Variants in CDH23 observed in about 807,000 individuals in gnomAD.
CDH23 encodes the protein cadherin-23.
CDH23 carries 189 observed loss-of-function variants against 317.1 expected under a neutral mutation model. The observed-to-expected ratio is 0.60, with a 90% CI of 0.53 to 0.67. The LOEUF is 0.67. Ranked by LOEUF, CDH23 falls within the 30% of genes least tolerant of loss-of-function variation. The pLI, the probability that CDH23 is intolerant of heterozygous loss-of-function variation, is 0.00. For synonymous variants in CDH23, 1,839 were observed against 1,876.8 expected (o/e 0.98, Z 0.52); for missense variants, 4,401 against 4,592.4 (o/e 0.96, Z 1.20).
In CDH23 at chr10:71,702,016, G is replaced by A. The variant is rs1159899226; in HGVS notation, c.2398-6G>A. 8 of 1,613,232 alleles carry A rather than the reference G, an allele frequency of 5.0e-6. No homozygotes were observed. The highest frequency in any genetic ancestry group is 2.2e-5 in the East Asian group (1 of 44,884). ...TCAGTGAAGGGGTCTGCTCCCTCCC[G>A]GGCAGGTGGTGGCTGTTGACCCAGA... On this transcript the variant is annotated splice_region_variant and splice_polypyrimidine_tract_variant and intron_variant, in intron 22 of 69. Coordinates refer to ENST00000224721, the MANE Select transcript of CDH23 (RefSeq NM_022124.6).
At chr10:71,765,715 C>T (rs777011838) in intron 38 of CDH23, among the ~76,000 whole-genome samples, 3 of 152,110 alleles carry the variant, frequency 2.0e-5, no homozygotes, top group African/African-American at 7.2e-5. Context: ...CAATCCCCCA[C>T]ACCTCCCCAC....
chr10:71,784,763 C>G, intron 42 of CDH23, 128 bp from the exon 43 acceptor site: 1 of 715,956 alleles, frequency 1.4e-6, no homozygotes, highest in Non-Finnish European at 2.5e-6. Flanking sequence ...CCCCTTTTCT[C>G]TTTCTTCTCC....
At chr10:71,483,300 A>G (rs925654102) in intron 3 of CDH23, among the ~76,000 whole-genome samples, 1 of 152,176 alleles carries the variant, frequency 6.6e-6, no homozygotes, top group African/African-American at 2.4e-5. Flanking sequence ...AGCCCACAAG[A>G]GGCTGGTGGG....
intron 6 of CDH23, among the ~76,000 whole-genome samples, chr10:71,515,119 G>A (rs1037312634): frequency 6.6e-6 from 1 of 152,306 alleles, no homozygotes; most frequent in South Asian, 2.1e-4. Context: ...TAGAAGTCTG[G>A]TGGTGCCAGA....
intron 25 of CDH23, among the ~76,000 whole-genome samples, chr10:71,706,556 C>T (rs1437128953): frequency 6.6e-6 from 1 of 152,248 alleles, no homozygotes; most frequent in South Asian, 2.1e-4. Flanking sequence ...CTGTCGTCAT[C>T]GTTGTCATGA....
intron 8 of CDH23, among the ~76,000 whole-genome samples, chr10:71,574,479 A>G (rs1483645134): frequency 6.6e-6 from 1 of 152,084 alleles, no homozygotes; most frequent in Non-Finnish European, 1.5e-5. Flanking sequence ...GCTACCTCAG[A>G]ATCTGCTGTG....
chr10:71,798,486 T>C lies in CDH23; in HGVS notation c.6962T>C (p.Val2321Ala). The part of the protein sequence containing the change: ...PGTTLIAVAA[V>A]DPDKGLNGLV... ...ACCACACTCATTGCTGTGGCAGCCG[T>C]GGACCCTGACAAGGGCCTTAATGGG... Residue 2321 changes from valine (V) to alanine (A), a missense_variant, in exon 50 of 70, where the codon GTG becomes GCG. This residue lies in a region of CDH23 where 3,068 missense variants were observed against 3,203.3 expected (regional missense o/e 0.96). Coordinates refer to ENST00000224721, the MANE Select transcript of CDH23 (RefSeq NM_022124.6). The C allele has an allele frequency of 6.2e-7, 1 of 1,613,986 alleles. No individual in the cohort carries two copies.
At chr10:71,682,855 G>A (rs971017194) in intron 18 of CDH23, among the ~76,000 whole-genome samples, 9 of 152,306 alleles carry the variant, frequency 5.9e-5, no homozygotes, top group Non-Finnish European at 7.4e-5. Flanking sequence ...GGACACCCTC[G>A]GTGGGGAACA....
At position 71,679,636 on chromosome 10, in the gene CDH23, G is replaced by A. The variant is rs938566573; in HGVS notation, c.1858+144G>A. On this transcript the variant is annotated intron_variant, in intron 17 of 69. Transcript: ENST00000224721. ...CTCAGGAAGCTGCCCGGAGCACCTG[G>A]GGTGGAGCAGGATGTGGCCTGAGTC... The A allele has an allele frequency of 4.4e-6, 3 of 674,856 alleles. No homozygotes were observed. In the South Asian group the frequency reaches 5.3e-5, roughly 12 times the overall value. The allele number at this position is 674,856 out of a possible 1,614,324, so 41.8% of individuals were successfully genotyped here.
chr10:71,752,334 G>C (rs1197735852), intron 38 of CDH23, among the ~76,000 whole-genome samples: 1 of 152,240 alleles, frequency 6.6e-6, no homozygotes, highest in Admixed American at 6.5e-5. Context: ...GATTCTAGAT[G>C]AGTTGCAAGC....
At chr10:71,792,758 G>T (rs1315886864) in intron 47 of CDH23, among the ~76,000 whole-genome samples, 3 of 140,202 alleles carry the variant, frequency 2.1e-5, no homozygotes, top group East Asian at 4.4e-4. Context: ...GGAAGCAGAG[G>T]TTGCAGTAAG....
chr10:71,634,056 G>GA (rs1185911180), intron 11 of CDH23, among the ~76,000 whole-genome samples: 1 of 152,240 alleles, frequency 6.6e-6, no homozygotes, highest in Non-Finnish European at 1.5e-5. Context: ...TTTAGCATAG[G>GA]AAATAGCCAG....
In CDH23 at chr10:71,495,835, A is replaced by AGGAAGGAAGGAAGGAAGGAAGGAAG. The variant is rs1564615579; in HGVS notation, c.146-14246_146-14245insGAAGGAAGGAAGGAAGGAAGGAAGG. ...GAAAAAAAAAAAAAGAAAGAAAGAAAGAAAGAAGGAAAGAAAGAAAAGAAA... is the reference window on the plus strand; with the variant it reads ...GAAAAAAAAAAAAAGAAAGAAAGAAAGGAAGGAAGGAAGGAAGGAAGGAAGGAAAGAAGGAAAGAAAGAAAAGAAA... On this transcript the variant is annotated intron_variant, in intron 3 of 69. Transcript: ENST00000224721. Among the ~76,000 whole-genome samples the AGGAAGGAAGGAAGGAAGGAAGGAAG allele has an allele frequency of 1.9e-3, 286 of 149,576 alleles. 1 individual carries two copies. Among genetic ancestry groups the AGGAAGGAAGGAAGGAAGGAAGGAAG allele is most frequent in the African/African-American group, 3.1e-3 (121 of 39,624 alleles).
At chr10:71,590,084 C>T (rs2132441429) in intron 9 of CDH23, among the ~76,000 whole-genome samples, 1 of 152,344 alleles carries the variant, frequency 6.6e-6, no homozygotes, top group African/African-American at 2.4e-5. Flanking sequence ...CGGGCTGCCA[C>T]AGGCTGAGAA....
chr10:71,698,104 T>A (rs891718779), intron 22 of CDH23, among the ~76,000 whole-genome samples: 1 of 152,098 alleles, frequency 6.6e-6, no homozygotes, highest in African/African-American at 2.4e-5. Flanking sequence ...AAATTGGAGG[T>A]TAGATTTTTC....
intron 7 of CDH23, among the ~76,000 whole-genome samples, chr10:71,570,133 C>T (rs1005404310): frequency 2.6e-5 from 4 of 152,246 alleles, no homozygotes; most frequent in Middle Eastern, 3.4e-3. Flanking sequence ...TGTGTGACCT[C>T]TCAGGAGTCT....
intron 38 of CDH23, among the ~76,000 whole-genome samples, chr10:71,767,532 C>T (rs983011190): frequency 1.1e-4 from 17 of 152,342 alleles, no homozygotes; most frequent in African/African-American, 3.8e-4. Flanking sequence ...TCCAGCTCCC[C>T]GCCAGGCCCC....
At chr10:71,623,838 G>T (rs1861582769) in intron 11 of CDH23, among the ~76,000 whole-genome samples, 1 of 152,110 alleles carries the variant, frequency 6.6e-6, no homozygotes, top group Non-Finnish European at 1.5e-5. Flanking sequence ...TTTCAAATCA[G>T]CCCAGGATTT....
chr10:71,521,073 G>A (rs1291377060), intron 6 of CDH23, among the ~76,000 whole-genome samples: 1 of 151,938 alleles, frequency 6.6e-6, no homozygotes, highest in Non-Finnish European at 1.5e-5. Flanking sequence ...AACCTTAAGT[G>A]GAAGCCACCT....
Sources: gnomAD v4.1 joint callset for allele counts (sites outside exome capture counted in the v4.1 genomes callset) on GRCh38, gnomAD v4.1.1 for gene constraint, gnomAD v4.1.1 regional missense constraint, MANE v1.5 for transcripts, NCBI Gene and HGNC (gene_info 2026-07-23, HGNC 2026-07-21) for gene names.